The following THAP8 variants were observed in gnomAD, a reference collection of about 807,000 sequenced individuals.
The protein encoded by THAP8 is THAP domain containing 8, also known as THAP domain-containing protein 8.
In THAP8, 24 loss-of-function variants were observed where a neutral mutation model predicts 25.0. The observed-to-expected ratio is 0.96, with a 90% CI of 0.69 to 1.35. The LOEUF is 1.35. Among genes scored for constraint, THAP8 ranks in the 40% most tolerant of loss-of-function variants. The pLI, the probability that THAP8 is intolerant of heterozygous loss-of-function variation, is 0.00. For synonymous variants in THAP8, 169 were observed against 157.6 expected (o/e 1.07, Z -0.54); for missense variants, 399 against 368.8 (o/e 1.08, Z -0.67).
chr19:36,050,634 G>A (rs988292963), intron 1 of THAP8, among the ~76,000 whole-genome samples: 1 of 152,166 alleles, frequency 6.6e-6, no homozygotes, highest in Non-Finnish European at 1.5e-5. Flanking sequence ...CCCAGGTCAC[G>A]TACTCAGTTC....
At position 36,040,147 on chromosome 19, in the gene THAP8, G is replaced by A; in HGVS notation, c.84-11C>T. ...TCCTTCAGTGGGAACCTGCATGGGT[G>A]GTTGGGGGGCTGGGTCAGTGCTACG... On this transcript the variant is annotated splice_polypyrimidine_tract_variant and intron_variant, in intron 1 of 3. Coordinates refer to ENST00000292894, the MANE Select transcript of THAP8 (RefSeq NM_152658.3). 1 of 1,596,558 alleles carries A rather than the reference G, an allele frequency of 6.3e-7. No homozygotes were observed.
chr19:36,054,391 A>G (rs2145478148), upstream of THAP8: 3 of 703,804 alleles, frequency 4.3e-6, no homozygotes, highest in Admixed American at 2.3e-5. Context: ...GCGCCCCTCC[A>G]CAGTGCCACA....
At chr19:36,051,329 T>C (rs1002198344) in intron 1 of THAP8, among the ~76,000 whole-genome samples, 1 of 152,178 alleles carries the variant, frequency 6.6e-6, no homozygotes, top group African/African-American at 2.4e-5. Context: ...ACCAGCTCTG[T>C]AGGACTTTGC....
Position 36,039,481 on chromosome 19 carries a change from C to G in THAP8, c.514G>C (p.Gly172Arg), listed in dbSNP as rs776227508. 1.9e-6 allele frequency: 3 copies of G among 1,593,260 alleles called. No individual in the cohort carries two copies. The highest frequency in any genetic ancestry group is 8.6e-7 in the Non-Finnish European group (1 of 1,168,146). ...PEVPAQQAQT[G>R]LGPVLGALQR... ...AGTGCTCCCAGCACTGGGCCCAGCCCGGTCTGGGCCTGTTGGGCAGGGACT... is the reference window on the plus strand; with the variant it reads ...AGTGCTCCCAGCACTGGGCCCAGCCGGGTCTGGGCCTGTTGGGCAGGGACT... Residue 172 changes from glycine to arginine, a missense_variant, in exon 3 of 4, where the codon GGG (glycine) becomes CGG (arginine). Coordinates refer to ENST00000292894, the MANE Select transcript of THAP8 (RefSeq NM_152658.3).
intron 1 of THAP8, among the ~76,000 whole-genome samples, chr19:36,047,820 A>G (rs1969926784): frequency 6.7e-6 from 1 of 148,900 alleles, no homozygotes; most frequent in African/African-American, 2.5e-5. Flanking sequence ...ACAGAATGAG[A>G]CTTTCAAAAA....
chr19:36,037,249 CA>C (rs1969493856), intron 3 of THAP8, among the ~76,000 whole-genome samples: 1 of 71,602 alleles, frequency 1.4e-5, no homozygotes, highest in Non-Finnish European at 3.5e-5. Flanking sequence ...CCCCTACACA[CA>C]CACACACACA....
chr19:36,042,886 C>T (rs1969746730), intron 1 of THAP8, among the ~76,000 whole-genome samples: 1 of 152,136 alleles, frequency 6.6e-6, no homozygotes. Context: ...CCTGCCTCAG[C>T]CTCCTGGGTA....
At chr19:36,049,923 G>A (rs1054901743) in intron 1 of THAP8, among the ~76,000 whole-genome samples, 1 of 151,968 alleles carries the variant, frequency 6.6e-6, no homozygotes, top group African/African-American at 2.4e-5. Flanking sequence ...GTGTGGTGGT[G>A]TGCACCTGTG....
At chr19:36,046,750 G>C (rs766130399) in intron 1 of THAP8, among the ~76,000 whole-genome samples, 2 of 152,192 alleles carry the variant, frequency 1.3e-5, no homozygotes, top group Admixed American at 6.5e-5. Flanking sequence ...TGGACTACTC[G>C]TATCTACTCT....
chr19:36,038,626 T>A (rs10421377), intron 3 of THAP8, among the ~76,000 whole-genome samples: 2 of 151,940 alleles, frequency 1.3e-5, no homozygotes, highest in Non-Finnish European at 2.9e-5. Flanking sequence ...CCAAGGCAGG[T>A]GGATCACGAG....
At chr19:36,053,624 CCAGATAAATAAGGAGA>C (rs1288828021) in intron 1 of THAP8, among the ~76,000 whole-genome samples, 2 of 151,720 alleles carry the variant, frequency 1.3e-5, no homozygotes, top group African/African-American at 4.8e-5. Flanking sequence ...CTTATGTCAG[CCAGATAAATAAGGAGA>C]CAGATCTTTT....
chr19:36,042,311 G>C (rs1969720401), intron 1 of THAP8, among the ~76,000 whole-genome samples: 1 of 152,060 alleles, frequency 6.6e-6, no homozygotes, highest in African/African-American at 2.4e-5. Flanking sequence ...GGGTCTTGGA[G>C]AGATATTTGC....
intron 1 of THAP8, among the ~76,000 whole-genome samples, chr19:36,046,944 A>C (rs144488642): frequency 1.5e-3 from 225 of 152,336 alleles, no homozygotes; most frequent in African/African-American, 5.3e-3. Context: ...GACGATCAAC[A>C]GGATTCAGCA....
intron 3 of THAP8, among the ~76,000 whole-genome samples, chr19:36,037,037 C>G (rs991335157): frequency 7.9e-5 from 12 of 151,986 alleles, no homozygotes; most frequent in Admixed American, 2.0e-4. Flanking sequence ...ATTCAGAGCT[C>G]TGTGTGGGCA....
At chr19:36,036,930 G>GCC (rs1412598572) in intron 3 of THAP8, among the ~76,000 whole-genome samples, 1 of 127,082 alleles carries the variant, frequency 7.9e-6, no homozygotes, top group African/African-American at 3.1e-5. Flanking sequence ...AACAGAGCAA[G>GCC]ACTCCTTCTC....
chr19:36,039,674 C>G lies in THAP8; in HGVS notation c.321G>C (p.Pro107=). The G allele has an allele frequency of 6.6e-7, 1 of 1,524,746 alleles. No individual in the cohort carries two copies. Among genetic ancestry groups the G allele is most frequent in the Non-Finnish European group, 8.8e-7 (1 of 1,134,756 alleles). The allele number at this position is 1,524,746 out of a possible 1,614,324, so 94.5% of individuals were successfully genotyped here. A position where few individuals can be genotyped will look rare whatever the true frequency, so the allele number is the denominator to read the frequency against. ...TRSTQKPVSP[P]PPLQKNTPLP... ...GGGGTGTATTCTTCTGTAGGGGAGG[C>G]GGCGGCGAGACTGGCTTCTGGGTGC... The change falls in exon 3 of 4, where the codon CCG becomes CCC. Residue 107 remains proline, a synonymous_variant. Coordinates refer to ENST00000292894, the MANE Select transcript of THAP8 (RefSeq NM_152658.3).
intron 3 of THAP8, among the ~76,000 whole-genome samples, chr19:36,037,135 T>A (rs1969483644): frequency 6.6e-6 from 1 of 151,448 alleles, no homozygotes; most frequent in Non-Finnish European, 1.5e-5. Flanking sequence ...ACAGGAGAAA[T>A]TTCGCCTTGG....
At chr19:36,052,849 A>C (rs1263514899) in intron 1 of THAP8, among the ~76,000 whole-genome samples, 1 of 152,236 alleles carries the variant, frequency 6.6e-6, no homozygotes, top group Admixed American at 6.5e-5. Context: ...TTAGACAACC[A>C]AAGTTTCCTA....
chr19:36,040,181 A>G, intron 1 of THAP8, 45 bp from the exon 2 acceptor site: 1 of 1,544,114 alleles, frequency 6.5e-7, no homozygotes, highest in East Asian at 2.3e-5. Flanking sequence ...CGAGGTTCAG[A>G]CTTATCCCTC....
Sources: gnomAD v4.1 joint callset for allele counts (sites outside exome capture counted in the v4.1 genomes callset) on GRCh38, gnomAD v4.1.1 for gene constraint, MANE v1.5 for transcripts, NCBI Gene and HGNC (gene_info 2026-07-23, HGNC 2026-07-21) for gene names.